PAX5: variants seen among roughly 807,000 people sequenced by gnomAD.
The protein encoded by PAX5 is paired box 5.
PAX5 carries 9 observed loss-of-function variants against 43.7 expected under a neutral mutation model. The observed-to-expected ratio is 0.21, with a 90% CI of 0.12 to 0.36. PAX5 has a LOEUF of 0.36. PAX5 is among the 10% of genes least tolerant of loss of function. The pLI is 1.00. For synonymous variants in PAX5, 228 were observed against 214.3 expected, an observed-to-expected ratio of 1.06 and a Z score of -0.56; for missense variants, 383 against 532.7, an observed-to-expected ratio of 0.72 and a Z score of 2.77.
chr9:36,924,725 AG>A (rs1274833204), intron 6 of PAX5, among the ~76,000 whole-genome samples: 1 of 115,586 alleles, frequency 8.7e-6, no homozygotes, highest in African/African-American at 3.5e-5. Context: ...GTCAAAAAAA[AG>A]AAAGAGGTGG....
intron 3 of PAX5, among the ~76,000 whole-genome samples, chr9:37,010,919 G>A (rs533117936): frequency 4.6e-5 from 7 of 152,122 alleles, no homozygotes; most frequent in East Asian, 1.9e-4. Flanking sequence ...CCAGGAGTTC[G>A]AGACCACCCT....
At chr9:36,923,591 TG>T in intron 6 of PAX5, 107 bp from the exon 7 acceptor site, 2 of 1,338,442 alleles carry the variant, frequency 1.5e-6, no homozygotes, top group Non-Finnish European at 2.0e-6. Flanking sequence ...AGTCCATGCC[TG>T]TGCCAAGGCC....
Position 36,835,692 on chromosome 9 carries a change from A to C in PAX5, c.*4868T>G, listed in dbSNP as rs1821592976. ...TTGCCTCGGACCTCTCCGAGGCCAA[A>C]AGAACGAAAGAAATAGTTTCCCCAG... On this transcript the variant is annotated 3_prime_UTR_variant, in exon 10 of 10. Coordinates refer to ENST00000358127, the MANE Select transcript of PAX5 (RefSeq NM_016734.3). The C allele has an allele frequency of 4.3e-6, 1 of 233,126 alleles. No individual in the cohort carries two copies. Among genetic ancestry groups the C allele is most frequent in the Admixed American group, 5.6e-5 (1 of 17,784 alleles). 14.4% of individuals were successfully genotyped at this position (233,126 alleles called of 1,614,324 possible). A position where few individuals can be genotyped will look rare whatever the true frequency, so the allele number is the denominator to read the frequency against.
intron 5 of PAX5, among the ~76,000 whole-genome samples, chr9:36,986,219 G>T (rs1836398829): frequency 6.6e-6 from 1 of 151,432 alleles, no homozygotes; most frequent in Admixed American, 6.6e-5. Flanking sequence ...TCTCAGCGGG[G>T]CCCCGGCAAA....
intron 7 of PAX5, among the ~76,000 whole-genome samples, chr9:36,901,920 A>T (rs1828429549): frequency 6.6e-6 from 1 of 152,216 alleles, no homozygotes; most frequent in Non-Finnish European, 1.5e-5. Flanking sequence ...CAAAGAAGGC[A>T]TTAGCATACT....
chr9:36,868,850 C>T (rs1165290866), intron 8 of PAX5, among the ~76,000 whole-genome samples: 1 of 152,094 alleles, frequency 6.6e-6, no homozygotes, highest in Non-Finnish European at 1.5e-5. Context: ...GATGGATATG[C>T]TCACTCCAAC....
intron 8 of PAX5, 86 bp downstream of exon 8, chr9:36,881,918 G>T (rs1826453502): frequency 5.2e-6 from 5 of 968,344 alleles, no homozygotes; most frequent in East Asian, 2.6e-5. Context: ...AAGCGTAGAG[G>T]TCACCCAGGC....
chr9:36,890,802 T>A (rs1827316879), intron 7 of PAX5, among the ~76,000 whole-genome samples: 1 of 152,162 alleles, frequency 6.6e-6, no homozygotes, highest in African/African-American at 2.4e-5. Flanking sequence ...CATAAGGCAC[T>A]TACAGAAGGA....
intron 8 of PAX5, among the ~76,000 whole-genome samples, chr9:36,867,576 C>A (rs1197370555): frequency 6.6e-6 from 1 of 152,228 alleles, no homozygotes. Context: ...GAACAAGACC[C>A]CACGATGGCC....
At chr9:36,931,147 C>A (rs1831085806) in intron 6 of PAX5, among the ~76,000 whole-genome samples, 1 of 152,224 alleles carries the variant, frequency 6.6e-6, no homozygotes, top group African/African-American at 2.4e-5. Flanking sequence ...CAGAGCCAGG[C>A]CAACCATTCC....
At position 36,838,071 on chromosome 9, in the gene PAX5, G is replaced by A. The variant is rs936877146; in HGVS notation, c.*2489C>T. ...GAGGGAGGCAGGGAGAGAGATGCCA[G>A]GTAACATACCTTCTCCTACCTTACC... is the stretch of plus-strand genomic sequence containing the variant. On this transcript the variant is annotated 3_prime_UTR_variant, in exon 10 of 10. Transcript: ENST00000358127. 7.7e-5 allele frequency: 18 copies of A among 233,378 alleles called. No individual in the cohort carries two copies. Among genetic ancestry groups the A allele is most frequent in the Non-Finnish European group, 1.2e-4 (14 of 118,084 alleles). The allele number at this position is 233,378 out of a possible 1,614,324, so 14.5% of individuals were successfully genotyped here.
In PAX5 at chr9:36,992,571, G is replaced by A. The variant is rs144283093; in HGVS notation, c.604+10077C>T. On this transcript the variant is annotated intron_variant, in intron 5 of 9. Transcript: ENST00000358127. ...GCTCGGTAGCTATGTCTTTCCGTGGGAGCTCAACCTGGGATAGAAGCAAGA... is the reference window on the plus strand; with the variant it reads ...GCTCGGTAGCTATGTCTTTCCGTGGAAGCTCAACCTGGGATAGAAGCAAGA... Among the ~76,000 whole-genome samples the A allele has an allele frequency of 2.1e-3, 317 of 152,322 alleles. 4 individuals are homozygous for A. The highest frequency in any genetic ancestry group is 7.3e-3 in the African/African-American group (303 of 41,568).
chr9:36,948,096 C>T lies in PAX5; in HGVS notation c.780+18453G>A, dbSNP rs143760139. Among the ~76,000 whole-genome samples the T allele has an allele frequency of 4.0e-3, 602 of 152,328 alleles. 9 individuals carry two copies. The highest frequency in any genetic ancestry group is 0.012 in the African/African-American group (479 of 41,568). On this transcript the variant is annotated intron_variant, in intron 6 of 9. Coordinates refer to ENST00000358127, the MANE Select transcript of PAX5 (RefSeq NM_016734.3). The stretch of plus-strand genomic sequence containing the variant: ...TCACACCAGCTCTGTGCTAGCATAT[C>T]GGCATGGCTACCCTCCTCTTGTGGA...
At chr9:36,841,697 G>T (rs1434592400) in intron 9 of PAX5, among the ~76,000 whole-genome samples, 1 of 152,188 alleles carries the variant, frequency 6.6e-6, no homozygotes, top group Non-Finnish European at 1.5e-5. Flanking sequence ...ACTTTGCTGA[G>T]TGAGCAAACA....
intron 1 of PAX5, among the ~76,000 whole-genome samples, chr9:37,032,958 C>T (rs1841133130): frequency 6.6e-6 from 1 of 152,258 alleles, no homozygotes; most frequent in African/African-American, 2.4e-5. Context: ...TGCTCTCCTC[C>T]ACTGGTGCGG....
At chr9:36,909,841 A>G (rs1587941218) in intron 7 of PAX5, among the ~76,000 whole-genome samples, 2 of 28,386 alleles carry the variant, frequency 7.0e-5, no homozygotes, top group South Asian at 2.4e-3. Flanking sequence ...TTTTTTTTAG[A>G]TATAGGGTTT....
chr9:36,971,439 T>A (rs1834919064), intron 5 of PAX5, among the ~76,000 whole-genome samples: 1 of 152,254 alleles, frequency 6.6e-6, no homozygotes, highest in African/African-American at 2.4e-5. Flanking sequence ...ATTTCTCATC[T>A]GCACCATGAA....
intron 1 of PAX5, among the ~76,000 whole-genome samples, chr9:37,025,613 A>G (rs1840265198): frequency 6.6e-6 from 1 of 152,148 alleles, no homozygotes; most frequent in Admixed American, 6.5e-5. Context: ...ATTTCCTTGA[A>G]ATCTCCGAAT....
intron 6 of PAX5, among the ~76,000 whole-genome samples, chr9:36,940,378 T>TA (rs1390197695): frequency 1.3e-5 from 2 of 152,142 alleles, no homozygotes; most frequent in African/African-American, 4.8e-5. Context: ...CTTGGGACCA[T>TA]AAATAATAAT....
Sources: gnomAD v4.1 joint callset for allele counts (sites outside exome capture counted in the v4.1 genomes callset) on GRCh38, gnomAD v4.1.1 for gene constraint, MANE v1.5 for transcripts, NCBI Gene and HGNC (gene_info 2026-07-23, HGNC 2026-07-21) for gene names.